The following RARB variants were observed in gnomAD, a reference collection of about 807,000 sequenced individuals.
RARB encodes retinoic acid receptor beta, also known as HBV-activated protein.
A neutral mutation model predicts 51.9 loss-of-function variants in RARB; 17 were observed. The ratio of observed to expected loss-of-function variants is 0.33; its 90% CI spans 0.22 to 0.49. RARB has a LOEUF of 0.49. Ranked by LOEUF, RARB falls within the 20% of genes least tolerant of loss-of-function variation. RARB has a pLI of 0.99. For synonymous variants in RARB, 215 were observed against 195.4 expected (o/e 1.10, Z -0.84); for missense variants, 369 against 550.8 (o/e 0.67, Z 3.30).
intron 5 of RARB, among the ~76,000 whole-genome samples, chr3:25,309,793 C>A (rs1704246208): frequency 6.6e-6 from 1 of 152,212 alleles, no homozygotes; most frequent in Middle Eastern, 3.4e-3. Context: ...CCGTGCCCAG[C>A]CTCATAATTG....
chr3:24,911,598 A>T (rs1355977027), intron 2 of RARB, among the ~76,000 whole-genome samples: 2 of 152,098 alleles, frequency 1.3e-5, no homozygotes, highest in Non-Finnish European at 2.9e-5. Context: ...AACACTGAAA[A>T]ATTTGAATAA....
intron 2 of RARB, among the ~76,000 whole-genome samples, chr3:24,886,426 C>T (rs1703267058): frequency 6.8e-6 from 1 of 146,800 alleles, no homozygotes. Flanking sequence ...GACCTCCCAG[C>T]ATAAAGTATC....
chr3:25,329,359 G>A (rs562942333), intron 5 of RARB, among the ~76,000 whole-genome samples: 14 of 152,272 alleles, frequency 9.2e-5, no homozygotes, highest in East Asian at 5.8e-4. Context: ...AATATTTGCC[G>A]TTCTGCAGCC....
At chr3:25,548,081 C>A (rs1699690672) in intron 3 of RARB, among the ~76,000 whole-genome samples, 1 of 146,242 alleles carries the variant, frequency 6.8e-6, no homozygotes, top group Admixed American at 6.8e-5. Context: ...AATATATTGT[C>A]ATTTCTGTGA....
intron 3 of RARB, among the ~76,000 whole-genome samples, chr3:25,529,580 G>A (rs1444557909): frequency 2.0e-5 from 3 of 152,192 alleles, no homozygotes; most frequent in Non-Finnish European, 2.9e-5. Context: ...ACTTCTGAAG[G>A]AGGAGGAAAT....
chr3:25,520,150 C>G (rs1007370267), intron 3 of RARB, among the ~76,000 whole-genome samples: 13 of 152,192 alleles, frequency 8.5e-5, no homozygotes, highest in Non-Finnish European at 1.8e-4. Flanking sequence ...CCCACAAAAC[C>G]TAAAATATCT....
intron 4 of RARB, among the ~76,000 whole-genome samples, chr3:25,155,873 G>A (rs1419093187): frequency 6.6e-6 from 1 of 152,160 alleles, no homozygotes; most frequent in Non-Finnish European, 1.5e-5. Flanking sequence ...TTGGTTCCCA[G>A]CCTTTTTACA....
intron 5 of RARB, among the ~76,000 whole-genome samples, chr3:25,357,052 A>G (rs958774461): frequency 1.3e-5 from 2 of 152,190 alleles, no homozygotes; most frequent in Non-Finnish European, 2.9e-5. Context: ...GCTGGGTCAA[A>G]TGGTATTTCT....
chr3:25,498,981 T>C lies in RARB; in HGVS notation c.307-2201T>C, dbSNP rs150201242. 3.5e-3 allele frequency among the ~76,000 whole-genome samples: 540 copies of C among 152,334 alleles called. 5 individuals are homozygous for C. Among genetic ancestry groups the C allele is most frequent in the African/African-American group, 8.3e-3 (346 of 41,578 alleles). On this transcript the variant is annotated intron_variant, in intron 2 of 7. Transcript: ENST00000330688. ...TTTTAGATTCTAAGCACATTTGTAGTTCCAGTGGCACAAAAATAAACTGTG... is the reference window on the plus strand; with the variant it reads ...TTTTAGATTCTAAGCACATTTGTAGCTCCAGTGGCACAAAAATAAACTGTG...
At chr3:25,525,149 CA>C (rs766554985) in intron 3 of RARB, among the ~76,000 whole-genome samples, 8 of 152,146 alleles carry the variant, frequency 5.3e-5, no homozygotes, top group Non-Finnish European at 1.0e-4. Context: ...CAAAGCTCTT[CA>C]AAAGTCCATA....
chr3:24,900,260 A>G (rs1338874928), intron 2 of RARB, among the ~76,000 whole-genome samples: 1 of 151,546 alleles, frequency 6.6e-6, no homozygotes, highest in Non-Finnish European at 1.5e-5. Context: ...GGTGGTCAGA[A>G]GTCTGAAGGA....
At chr3:25,056,429 T>A (rs1698443999) in intron 2 of RARB, among the ~76,000 whole-genome samples, 1 of 152,186 alleles carries the variant, frequency 6.6e-6, no homozygotes, top group African/African-American at 2.4e-5. Context: ...TTTGCAACAT[T>A]GACTGTCTAA....
intron 2 of RARB, among the ~76,000 whole-genome samples, chr3:25,003,942 G>A (rs1188003207): frequency 6.6e-6 from 1 of 152,128 alleles, no homozygotes; most frequent in Non-Finnish European, 1.5e-5. Context: ...AAACAGATTG[G>A]CCTCATCAGA....
chr3:25,163,504 A>AATATATATATATATATATATATATATAT (rs138389529), intron 4 of RARB, among the ~76,000 whole-genome samples: 75 of 131,008 alleles, frequency 5.7e-4, no homozygotes, highest in African/African-American at 1.3e-3. Context: ...CCTATCTCAA[A>AATATATATATATATATATATATATATAT]ATATATATAT....
intron 4 of RARB, among the ~76,000 whole-genome samples, chr3:25,169,611 T>C (rs1298578506): frequency 6.6e-6 from 1 of 152,078 alleles, no homozygotes; most frequent in East Asian, 1.9e-4. Flanking sequence ...TAAAATTATG[T>C]TGGGAGTAAG....
At chr3:24,944,959 C>T (rs1695743057) in intron 2 of RARB, among the ~76,000 whole-genome samples, 1 of 152,028 alleles carries the variant, frequency 6.6e-6, no homozygotes, top group South Asian at 2.1e-4. Context: ...GGAAAAAGTG[C>T]CCACAAAGCA....
intron 2 of RARB, among the ~76,000 whole-genome samples, chr3:25,471,796 A>C (rs796277644): frequency 6.6e-6 from 1 of 152,210 alleles, no homozygotes; most frequent in Admixed American, 6.5e-5. Flanking sequence ...CTATTATTGC[A>C]ATTATCCTCT....
chr3:24,944,974 G>A (rs926023934), intron 2 of RARB, among the ~76,000 whole-genome samples: 5 of 152,190 alleles, frequency 3.3e-5, no homozygotes, highest in East Asian at 3.9e-4. Flanking sequence ...AAAGCACAAA[G>A]CAATGATGAA....
At chr3:24,984,576 G>A (rs937860418) in intron 2 of RARB, among the ~76,000 whole-genome samples, 3 of 152,178 alleles carry the variant, frequency 2.0e-5, no homozygotes, top group Admixed American at 6.5e-5. Context: ...GAAGTTACCA[G>A]AGCCTAATAG....
Sources: allele counts gnomAD v4.1 joint callset (sites outside exome capture counted in the v4.1 genomes callset), GRCh38; gene constraint gnomAD v4.1.1; transcripts MANE v1.5; gene names NCBI Gene and HGNC (gene_info 2026-07-23, HGNC 2026-07-21).